Variants in SERPINB7 observed in about 807,000 individuals in gnomAD.
The protein encoded by SERPINB7 is serpin family B member 7.
A neutral mutation model predicts 37.4 loss-of-function variants in SERPINB7; 31 were observed. The observed-to-expected ratio is 0.83, with a 90% CI of 0.62 to 1.12. The LOEUF (loss-of-function observed/expected upper bound fraction) is 1.12, where lower values mean the gene tolerates loss of function less well. SERPINB7 is among the 50% of genes most tolerant of loss of function. The pLI is 0.00. For missense variants in SERPINB7, 521 were observed against 455.3 expected (o/e 1.14, Z -1.31); for synonymous variants, 163 against 166.1 (o/e 0.98, Z 0.14).
chr18:63,777,678 T>C (rs1245194084), intron 1 of SERPINB7: 2 of 152,488 alleles, frequency 1.3e-5, no homozygotes, highest in Non-Finnish European at 2.9e-5. Context: ...ATATATTTAT[T>C]TTAATGACAT....
rs1034965245 is a variant in SERPINB7, at chr18:63,765,293, G to A, written c.-19+12173G>A. On this transcript the variant is annotated intron_variant, in intron 1 of 7. Transcript: ENST00000336429. ...TTTCTTCCCTTTCCTTATAAAATCCGTCAGTGTAGCCTGAAGATTCTACCT... is the reference window on the plus strand; with the variant it reads ...TTTCTTCCCTTTCCTTATAAAATCCATCAGTGTAGCCTGAAGATTCTACCT... Among the ~76,000 whole-genome samples the A allele has an allele frequency of 5.0e-4, 76 of 151,794 alleles. 2 individuals carry two copies. The highest frequency in any genetic ancestry group is 2.9e-4 in the African/African-American group (12 of 41,278).
chr18:63,771,035 TGGTGG>T (rs796972619), upstream of SERPINB7, among the ~76,000 whole-genome samples: 159 of 103,906 alleles, frequency 1.5e-3, no homozygotes, highest in African/African-American at 5.7e-3. Context: ...GCAGTTTGCG[TGGTGG>T]GGTGGGGTGG....
At chr18:63,757,863 A>C (rs1240836856) in intron 1 of SERPINB7, among the ~76,000 whole-genome samples, 1 of 152,204 alleles carries the variant, frequency 6.6e-6, no homozygotes, top group Non-Finnish European at 1.5e-5. Context: ...TCCAGAATCT[A>C]GTTTACCTTC....
At chr18:63,759,745 G>T (rs996083028) in intron 1 of SERPINB7, among the ~76,000 whole-genome samples, 1 of 152,096 alleles carries the variant, frequency 6.6e-6, no homozygotes, top group Non-Finnish European at 1.5e-5. Context: ...TGCTATTCTT[G>T]TCATAGTGAG....
At chr18:63,781,230 T>C (rs1022346198) in intron 1 of SERPINB7, among the ~76,000 whole-genome samples, 6 of 152,170 alleles carry the variant, frequency 3.9e-5, no homozygotes, top group Non-Finnish European at 8.8e-5. Context: ...TGTGCTCTTC[T>C]TATGGAGCAA....
intron 2 of SERPINB7, among the ~76,000 whole-genome samples, chr18:63,790,138 A>G (rs753436767): frequency 1.3e-5 from 2 of 152,220 alleles, no homozygotes; most frequent in African/African-American, 2.4e-5. Context: ...GTAAGTATGG[A>G]CGTTTCTAAA....
At chr18:63,803,597 G>A (rs972904376) in intron 7 of SERPINB7, among the ~76,000 whole-genome samples, 1 of 152,178 alleles carries the variant, frequency 6.6e-6, no homozygotes, top group Non-Finnish European at 1.5e-5. Flanking sequence ...TTCTAGCTGT[G>A]TAACTAAGGT....
chr18:63,802,880 A>T (rs1312611736), intron 7 of SERPINB7, among the ~76,000 whole-genome samples: 1 of 152,224 alleles, frequency 6.6e-6, no homozygotes, highest in Non-Finnish European at 1.5e-5. Context: ...TTATTTTGAC[A>T]TGAGAAGCAA....
At chr18:63,784,761 C>A (rs2049347583) in intron 2 of SERPINB7, among the ~76,000 whole-genome samples, 1 of 152,162 alleles carries the variant, frequency 6.6e-6, no homozygotes, top group Non-Finnish European at 1.5e-5. Flanking sequence ...AAGAAAAAAA[C>A]CTTACAGTTG....
chr18:63,758,831 C>T (rs960686160), intron 1 of SERPINB7, among the ~76,000 whole-genome samples: 3 of 152,250 alleles, frequency 2.0e-5, no homozygotes. Flanking sequence ...CAGCTCACTA[C>T]AGCATCCTCA....
chr18:63,786,166 C>CACA (rs2049369251), intron 2 of SERPINB7, among the ~76,000 whole-genome samples: 2 of 64,832 alleles, frequency 3.1e-5, no homozygotes, highest in African/African-American at 3.9e-5. Context: ...CACACACACA[C>CACA]CAGCATGGCA....
At chr18:63,770,873 GCACACACACACACACACACA>G, upstream of SERPINB7, among the ~76,000 whole-genome samples, 1 of 148,934 alleles carries the variant, frequency 6.7e-6, no homozygotes, top group South Asian at 2.1e-4. Flanking sequence ...GTCTGCACAT[GCACACACACACACACACACA>G]CACACACTCA....
intron 1 of SERPINB7, among the ~76,000 whole-genome samples, chr18:63,781,857 G>GA (rs112897618): frequency 5.3e-5 from 8 of 151,546 alleles, no homozygotes; most frequent in South Asian, 2.1e-4. Flanking sequence ...GGACAGTTTT[G>GA]AAAAAAAATA....
intron 2 of SERPINB7, 51 bp from the exon 3 acceptor site, chr18:63,792,342 T>C (rs750193460): frequency 7.6e-7 from 1 of 1,323,168 alleles, no homozygotes; most frequent in South Asian, 1.2e-5. Context: ...TTGCAAACTG[T>C]TCTCGTAACC....
At chr18:63,787,182 G>A (rs1445318142) in intron 2 of SERPINB7, among the ~76,000 whole-genome samples, 7 of 152,128 alleles carry the variant, frequency 4.6e-5, no homozygotes, top group African/African-American at 2.4e-5. Context: ...CTTGCGTCAT[G>A]TTGATGCTCA....
chr18:63,753,695 G>T (rs1015595559), intron 1 of SERPINB7, among the ~76,000 whole-genome samples: 1 of 152,098 alleles, frequency 6.6e-6, no homozygotes, highest in African/African-American at 2.4e-5. Context: ...TCCCTAAAAG[G>T]TCTTCTATGT....
chr18:63,762,395 T>C (rs1426637343), intron 1 of SERPINB7, among the ~76,000 whole-genome samples: 1 of 152,234 alleles, frequency 6.6e-6, no homozygotes, highest in Non-Finnish European at 1.5e-5. Context: ...TCTTTGTAGG[T>C]TGATTCAGAA....
intron 1 of SERPINB7, among the ~76,000 whole-genome samples, chr18:63,782,074 TAGTG>T (rs1358341136): frequency 1.3e-5 from 2 of 152,246 alleles, no homozygotes; most frequent in South Asian, 2.1e-4. Flanking sequence ...ATTTGAGAAA[TAGTG>T]AGCCCCATGA....
chr18:63,763,261 C>A (rs2049164056), intron 1 of SERPINB7, among the ~76,000 whole-genome samples: 2 of 152,142 alleles, frequency 1.3e-5, no homozygotes, highest in African/African-American at 4.8e-5. Flanking sequence ...AACTTTCCTG[C>A]TACTATTTTT....
Sources: allele counts gnomAD v4.1 joint callset (sites outside exome capture counted in the v4.1 genomes callset), GRCh38; gene constraint gnomAD v4.1.1; transcripts MANE v1.5; gene names NCBI Gene and HGNC (gene_info 2026-07-23, HGNC 2026-07-21).